Variants in ABCF1 observed in about 807,000 individuals in gnomAD.
The protein encoded by ABCF1 is ATP binding cassette subfamily F member 1.
ABCF1 carries 73 observed loss-of-function variants against 126.3 expected under a neutral mutation model. That is an observed-to-expected ratio of 0.58 (90% CI 0.48 to 0.70). The LOEUF (loss-of-function observed/expected upper bound fraction) is 0.70, where lower values mean the gene tolerates loss of function less well. Among genes scored for constraint, ABCF1 ranks in the 30% least tolerant of loss-of-function variants. ABCF1 has a pLI of 0.00. For synonymous variants in ABCF1, 345 were observed against 396.4 expected, an observed-to-expected ratio of 0.87 and a Z score of 1.54; for missense variants, 786 against 1,057.5, an observed-to-expected ratio of 0.74 and a Z score of 3.56.
chr6:30,571,655 G>A (rs1801249336), intron 1 of ABCF1, 95 bp downstream of exon 1: 1 of 1,366,922 alleles, frequency 7.3e-7, no homozygotes, highest in South Asian at 1.3e-5. Flanking sequence ...GAGACTGACC[G>A]GGCCCCTGCG....
chr6:30,581,198 T>C (rs1801798594), intron 8 of ABCF1, among the ~76,000 whole-genome samples: 1 of 152,142 alleles, frequency 6.6e-6, no homozygotes, highest in African/African-American at 2.4e-5. Context: ...CTGGAATTTA[T>C]CTCAGATGAT....
In ABCF1 at chr6:30,580,512, C is replaced by G; in HGVS notation, c.671C>G (p.Ala224Gly). 1 of 1,515,860 alleles carries G rather than the reference C, an allele frequency of 6.6e-7. No individual in the cohort carries two copies. Among genetic ancestry groups the G allele is most frequent in the Non-Finnish European group, 8.7e-7 (1 of 1,143,536 alleles). 93.9% of individuals were successfully genotyped at this position (1,515,860 alleles called of 1,614,324 possible). A position where few individuals can be genotyped will look rare whatever the true frequency, so the allele number is the denominator to read the frequency against. ...PKQGKEKAKK[A>G]EQGSEEEGEG... The stretch of plus-strand genomic sequence containing the variant: ...CAAGGGAAGGAGAAGGCCAAGAAGG[C>G]AGAGCAGGTGTGTATTTGGTGTTGG... Residue 224 changes from alanine (A) to glycine (G), a missense_variant, in exon 8 of 25, where the codon GCA becomes GGA. Transcript: ENST00000326195.
chr6:30,582,440 G>A lies in ABCF1; in HGVS notation c.725G>A (p.Gly242Glu). 1 of 1,612,786 alleles carries A rather than the reference G, an allele frequency of 6.2e-7. No homozygotes were observed. The highest frequency in any genetic ancestry group is 1.7e-5 in the Admixed American group (1 of 60,000). ...GGGGAAGAAGAGGAGGAGGAAGGAG[G>A]AGAGTCTAAGGCAGATGATCCCTAT... is the stretch of plus-strand genomic sequence containing the variant. ...GEGEEEEEEG[G>E]ESKADDPYAH... is the part of the protein sequence containing the mutation. The change falls in exon 9 of 25, where the codon GGA becomes GAA. Residue 242 changes from glycine (G) to glutamate (E), a missense_variant. Gly to Glu is a moderately conservative substitution (Grantham distance 98). Transcript: ENST00000326195.
At chr6:30,576,645 C>G (rs1801518642) in intron 1 of ABCF1, among the ~76,000 whole-genome samples, 1 of 152,040 alleles carries the variant, frequency 6.6e-6, no homozygotes, top group South Asian at 2.1e-4. Context: ...TTTATGTCCG[C>G]TTGTCACCAC....
chr6:30,579,249 T>C (rs1228952790), intron 6 of ABCF1, among the ~76,000 whole-genome samples: 1 of 152,060 alleles, frequency 6.6e-6, no homozygotes, highest in Non-Finnish European at 1.5e-5. Flanking sequence ...TCCCTAGTTA[T>C]CTCTTCGCTA....
rs1189704956 is a variant in ABCF1, at chr6:30,582,478, A to C, written c.763A>C (p.Lys255Gln). 3.7e-6 allele frequency: 6 copies of C among 1,613,074 alleles called. No homozygotes were observed. The highest frequency in any genetic ancestry group is 5.1e-6 in the Non-Finnish European group (6 of 1,180,022). The change falls in exon 9 of 25, where the codon AAA becomes CAA. Residue 255 changes from lysine to glutamine, a missense_variant. Lys to Gln is a moderately conservative substitution (Grantham distance 53). This residue lies in a region of ABCF1 where 322 missense variants were observed against 322.9 expected (regional missense o/e 1.00). Transcript: ENST00000326195. Reference protein sequence around the residue: ...KADDPYAHLSKKEKKKLKKQM... With the variant: ...KADDPYAHLSQKEKKKLKKQM... Reference sequence around the variant, plus strand: ...AGATGATCCCTATGCTCATCTTAGCAAAAAGGAGAAGAAAAAGCTGAAAAA... The same window carrying C: ...AGATGATCCCTATGCTCATCTTAGCCAAAAGGAGAAGAAAAAGCTGAAAAA...
chr6:30,582,927 A>G, intron 9 of ABCF1, 139 bp from the exon 10 acceptor site: 1 of 1,153,944 alleles, frequency 8.7e-7, no homozygotes. Flanking sequence ...TCCTGAGCTC[A>G]AGAGATCCAC....
rs1485181969 is a variant in ABCF1, at chr6:30,585,108, A to G, written c.1392-152A>G. 3 of 714,880 alleles carry G rather than the reference A, an allele frequency of 4.2e-6. No individual in the cohort carries two copies. The African/African-American group carries it at 5.3e-5, about 13-fold the overall frequency. The allele number at this position is 714,880 out of a possible 1,614,324, so 44.3% of individuals were successfully genotyped here. On this transcript the variant is annotated intron_variant, in intron 14 of 24. Coordinates refer to ENST00000326195, the MANE Select transcript of ABCF1 (RefSeq NM_001025091.2). ...CAACAGGGCGAGACCCTGTCTCAAA[A>G]AAATTAAACCGTATCCTGCCCGAGA...
rs748736217 is a variant in ABCF1 at position 30,590,191 on chromosome 6, G to A, written c.2276G>A (p.Arg759Gln). The part of the protein sequence containing the change: ...ARVVFAELAC[R>Q]EPDVLILDEP... ...GTTGTGTTTGCTGAGCTGGCCTGTCGGGAACCTGATGTCCTCATCTTGGTG... is the reference window on the plus strand; with the variant it reads ...GTTGTGTTTGCTGAGCTGGCCTGTCAGGAACCTGATGTCCTCATCTTGGTG... The change falls in exon 23 of 25, where the codon CGG (arginine) becomes CAG (glutamine). Residue 759 changes from arginine to glutamine, a missense_variant. Arg to Gln is a conservative substitution (Grantham distance 43, BLOSUM62 1). Transcript: ENST00000326195. 3.1e-6 allele frequency: 5 copies of A among 1,612,906 alleles called. No homozygotes were observed. The highest frequency in any genetic ancestry group is 1.7e-5 in the Admixed American group (1 of 59,996).
rs1460474543 is a variant in ABCF1 at position 30,585,699 on chromosome 6, G to A, written c.1600+17G>A. The A allele has an allele frequency of 1.2e-6, 2 of 1,612,252 alleles. No homozygotes were observed. Among genetic ancestry groups the A allele is most frequent in the Non-Finnish European group, 8.5e-7 (1 of 1,179,402 alleles). ...GCAATTACAGTAAGTAGGATTGTGT[G>A]TGGATGCAGGGAAGAGATAGAACCT... On this transcript the variant is annotated intron_variant, in intron 16 of 24. Transcript: ENST00000326195.
chr6:30,580,626 ATTC>A (rs1460971339), intron 8 of ABCF1, 107 bp downstream of exon 8: 12 of 696,488 alleles, frequency 1.7e-5, no homozygotes, highest in Non-Finnish European at 2.4e-5. Context: ...GCAAACCTTT[ATTC>A]TTTTCTTTTT....
rs961992968 is a variant in ABCF1 at position 30,586,058 on chromosome 6, A to G, written c.1713+67A>G. The G allele has an allele frequency of 1.3e-6, 2 of 1,588,946 alleles. No homozygotes were observed. Among genetic ancestry groups the G allele is most frequent in the Non-Finnish European group, 1.7e-6 (2 of 1,168,810 alleles). ...CTCCTGGCAGTGGAGGAAGAAGGAG[A>G]CTCTGGAACGCTGGCCTACATTTCA... On this transcript the variant is annotated intron_variant, in intron 17 of 24. Transcript: ENST00000326195. This position sits in a 1 kb window ranked among gnomAD's most constrained non-coding sequence, Gnocchi z 4.9.
Position 30,586,603 on chromosome 6 carries a change from C to G in ABCF1, c.1961-38C>G. 1 of 1,613,266 alleles carries G rather than the reference C, an allele frequency of 6.2e-7. No homozygotes were observed. On this transcript the variant is annotated intron_variant, in intron 19 of 24. Transcript: ENST00000326195. The surrounding 1 kb of genome is among the most constrained non-coding windows in gnomAD (Gnocchi z 4.9). ...GTAGCAGGAGCCACAGGGAGAGTCT[C>G]TGGGGACCTCTTTGACCACCTGTCT...
At position 30,590,694 on chromosome 6, in the gene ABCF1, G is replaced by A. The variant is rs1190627097; in HGVS notation, c.2531G>A (p.Arg844Gln). The change falls in exon 25 of 25, where the codon CGA (arginine) becomes CAA (glutamine). Residue 844 changes from arginine (R) to glutamine (Q), a missense_variant. Arg to Gln is a conservative substitution (Grantham distance 43). Transcript: ENST00000326195. ...GGTGAAGTCATGGTCAGCCGGCCCCGAGAGTGAGCTTTCCTTCCCAGAAGT... is the reference window on the plus strand; with the variant it reads ...GGTGAAGTCATGGTCAGCCGGCCCCAAGAGTGAGCTTTCCTTCCCAGAAGT... ...ALGEVMVSRP[R>Q]E The A allele has an allele frequency of 6.5e-6, 10 of 1,533,602 alleles. No homozygotes were observed. Among genetic ancestry groups the A allele is most frequent in the Middle Eastern group, 1.7e-4 (1 of 5,880 alleles). 95.0% of individuals were successfully genotyped at this position (1,533,602 alleles called of 1,614,324 possible).
chr6:30,575,868 A>G (rs527367314), intron 1 of ABCF1, among the ~76,000 whole-genome samples: 1 of 152,218 alleles, frequency 6.6e-6, no homozygotes, highest in Non-Finnish European at 1.5e-5. Flanking sequence ...CCAGAGGTTC[A>G]GGATTAGCCT....
chr6:30,589,047 C>G (rs1407338499), intron 20 of ABCF1, among the ~76,000 whole-genome samples: 1 of 152,128 alleles, frequency 6.6e-6, no homozygotes, highest in Admixed American at 6.5e-5. Context: ...CCCCTGTCCC[C>G]GAGGGTGGAG....
intron 1 of ABCF1, among the ~76,000 whole-genome samples, chr6:30,576,373 C>T (rs969276724): frequency 2.1e-5 from 3 of 146,228 alleles, no homozygotes; most frequent in South Asian, 2.3e-4. Flanking sequence ...CTGCAACCTC[C>T]GCCTCCTGGG....
chr6:30,581,617 A>G (rs989317471), intron 8 of ABCF1, among the ~76,000 whole-genome samples: 1 of 151,786 alleles, frequency 6.6e-6, no homozygotes, highest in African/African-American at 2.4e-5. Flanking sequence ...GTTAGCCAGG[A>G]TGGTCTTGAT....
intron 8 of ABCF1, 117 bp from the exon 9 acceptor site, chr6:30,582,277 T>C (rs1801859263): frequency 9.4e-6 from 6 of 636,828 alleles, no homozygotes; most frequent in East Asian, 2.8e-5. Context: ...AGGATGGTCT[T>C]GATCTCCTGA....
Sources: allele counts gnomAD v4.1 joint callset (sites outside exome capture counted in the v4.1 genomes callset), GRCh38; gene constraint gnomAD v4.1.1; regional missense constraint gnomAD v4.1.1; non-coding constraint Gnocchi (gnomAD v3.1); transcripts MANE v1.5; gene names NCBI Gene and HGNC (gene_info 2026-07-23, HGNC 2026-07-21).